ANTXR1: variants seen among roughly 807,000 people sequenced by gnomAD.
ANTXR1 encodes the protein anthrax toxin receptor 1.
A neutral mutation model predicts 78.1 loss-of-function variants in ANTXR1; 19 were observed. That is an observed-to-expected ratio of 0.24 (90% CI 0.17 to 0.36). The LOEUF is 0.36. ANTXR1 is among the 10% of genes least tolerant of loss of function. ANTXR1 has a pLI of 1.00. For synonymous variants in ANTXR1, 273 were observed against 260.5 expected (o/e 1.05, Z -0.46); for missense variants, 518 against 718.6 (o/e 0.72, Z 3.19).
rs567447364 is a variant in ANTXR1, at chr2:69,238,357, A to G, written c.1435-6868A>G. Among the ~76,000 whole-genome samples the G allele has an allele frequency of 3.3e-5, 5 of 152,268 alleles. No individual in the cohort carries two copies. In the South Asian group the frequency reaches 8.3e-4, roughly 25 times the overall value. On this transcript the variant is annotated intron_variant, in intron 17 of 17. Transcript: ENST00000303714. The stretch of plus-strand genomic sequence containing the variant: ...ACAGGGACCTCAACATTTGCTCAAT[A>G]CTGTCTGCAGCACCTTTGAGGACAT...
intron 9 of ANTXR1, 48 bp from the exon 10 acceptor site, chr2:69,102,794 T>A: frequency 6.5e-7 from 1 of 1,550,024 alleles, no homozygotes; most frequent in Non-Finnish European, 8.9e-7. Context: ...ATGCGAAGCT[T>A]AAGGTTATTG....
chr2:69,047,426 G>A (rs183488873), intron 3 of ANTXR1, among the ~76,000 whole-genome samples: 102 of 151,950 alleles, frequency 6.7e-4, no homozygotes, highest in Non-Finnish European at 9.0e-4. Context: ...ATTTTCTAAT[G>A]GGAAGGAACT....
chr2:69,190,988 C>G (rs541467759), intron 16 of ANTXR1, among the ~76,000 whole-genome samples: 1 of 152,126 alleles, frequency 6.6e-6, no homozygotes, highest in Non-Finnish European at 1.5e-5. Flanking sequence ...GGAGTCCTCT[C>G]CTTCTGAAAA....
rs772114562 is a variant in ANTXR1 at position 69,182,604 on chromosome 2, C to A, written c.1297C>A (p.Leu433Ile). The A allele has an allele frequency of 1.2e-6, 2 of 1,614,194 alleles. No homozygotes were observed. The highest frequency in any genetic ancestry group is 2.2e-5 in the South Asian group (2 of 91,080). ...QEYEFPEPRN[L>I]NNNMRRPSSP... is the part of the protein sequence containing the mutation. ...ATATGAATTCCCTGAGCCGCGAAAT[C>A]TCAACAACAATATGCGTCGGCCTTC... The change falls in exon 16 of 18, where the codon CTC (leucine) becomes ATC (isoleucine). Residue 433 changes from leucine (L) to isoleucine (I), a missense_variant. Leu to Ile is a conservative substitution (Grantham distance 5). Around this residue, in one of 5 missense-constraint regions of ANTXR1, gnomAD observed 192 missense variants for 230.2 expected, o/e 0.83. Coordinates refer to ENST00000303714, the MANE Select transcript of ANTXR1 (RefSeq NM_032208.3).
intron 15 of ANTXR1, 95 bp downstream of exon 15, chr2:69,181,976 G>T (rs887228681): frequency 3.3e-6 from 4 of 1,224,870 alleles, no homozygotes; most frequent in Non-Finnish European, 4.8e-6. Flanking sequence ...TAGATATCAG[G>T]CATGCCCAGG....
At chr2:69,155,807 A>T (rs777700760) in intron 13 of ANTXR1, among the ~76,000 whole-genome samples, 2 of 152,138 alleles carry the variant, frequency 1.3e-5, no homozygotes, top group Non-Finnish European at 2.9e-5. Context: ...GGCTTTATGT[A>T]TACAGAGAAA....
chr2:69,081,244 C>A (rs2104248619), intron 8 of ANTXR1, among the ~76,000 whole-genome samples: 1 of 152,332 alleles, frequency 6.6e-6, no homozygotes, highest in Middle Eastern at 3.4e-3. Flanking sequence ...TTGAACTCAG[C>A]TCTGGTTCCA....
chr2:69,186,546 G>A (rs140646783), intron 16 of ANTXR1, among the ~76,000 whole-genome samples: 175 of 152,360 alleles, frequency 1.1e-3, no homozygotes, highest in Non-Finnish European at 2.0e-3. Flanking sequence ...TGGGCAAAGC[G>A]AAGGGAATCC....
At chr2:69,022,274 G>C (rs961957523) in intron 1 of ANTXR1, among the ~76,000 whole-genome samples, 4 of 152,164 alleles carry the variant, frequency 2.6e-5, no homozygotes, top group African/African-American at 9.7e-5. Context: ...TGAGGGTGCT[G>C]TTAGCATTTT....
At chr2:69,235,651 C>CAAAAAAAAAAAA (rs554310438) in intron 17 of ANTXR1, among the ~76,000 whole-genome samples, 1 of 58,226 alleles carries the variant, frequency 1.7e-5, no homozygotes, top group Non-Finnish European at 3.5e-5. Context: ...AACCCCGTCT[C>CAAAAAAAAAAAA]AAAAAAAAAA....
rs769619892 is a variant in ANTXR1 at position 69,013,556 on chromosome 2, C to A, written c.57C>A (p.Ala19=). The A allele has an allele frequency of 6.3e-6, 10 of 1,579,068 alleles. No homozygotes were observed. In the South Asian group the frequency reaches 1.2e-4, roughly 18 times the overall value. ...TCGGCTTCCAGTGGCTCTCTTTGGCCACTCTGGTGCTCATCTGCGCCGGGC... is the reference window on the plus strand; with the variant it reads ...TCGGCTTCCAGTGGCTCTCTTTGGCAACTCTGGTGCTCATCTGCGCCGGGC... ...LGIGFQWLSL[A]TLVLICAGQG... The change falls in exon 1 of 18, where the codon GCC becomes GCA. Residue 19 remains alanine (A), a synonymous_variant. Coordinates refer to ENST00000303714, the MANE Select transcript of ANTXR1 (RefSeq NM_032208.3). This position sits in a 1 kb window ranked among gnomAD's most constrained non-coding sequence, Gnocchi z 5.0.
At chr2:69,182,468 T>C (rs1373029694) in intron 15 of ANTXR1, 25 bp from the exon 16 acceptor site, 5 of 1,613,780 alleles carry the variant, frequency 3.1e-6, no homozygotes, top group Non-Finnish European at 4.2e-6. Context: ...TGTCATTTCA[T>C]TTCATTGTAT....
intron 1 of ANTXR1, among the ~76,000 whole-genome samples, chr2:69,023,725 G>A (rs1212035074): frequency 2.6e-5 from 4 of 152,166 alleles, no homozygotes; most frequent in African/African-American, 9.7e-5. Context: ...CAAGTCTCAA[G>A]GAGCTCAAAG....
intron 1 of ANTXR1, among the ~76,000 whole-genome samples, chr2:69,039,538 C>A (rs1441742113): frequency 6.6e-6 from 1 of 151,886 alleles, no homozygotes; most frequent in East Asian, 1.9e-4. Context: ...AATTATTATT[C>A]TTTTGGATTC....
At chr2:69,027,633 T>A (rs1200475286) in intron 1 of ANTXR1, among the ~76,000 whole-genome samples, 1 of 145,012 alleles carries the variant, frequency 6.9e-6, no homozygotes, top group African/African-American at 2.7e-5. Flanking sequence ...TGTGTGTGTG[T>A]GTGTGTATGT....
At chr2:69,192,827 T>C (rs980862997) in intron 16 of ANTXR1, among the ~76,000 whole-genome samples, 1 of 152,204 alleles carries the variant, frequency 6.6e-6, no homozygotes, top group South Asian at 2.1e-4. Context: ...GAGCAAGTTA[T>C]AGCTGCTGAG....
At chr2:69,170,907 GC>G (rs1673966053) in intron 14 of ANTXR1, among the ~76,000 whole-genome samples, 1 of 152,198 alleles carries the variant, frequency 6.6e-6, no homozygotes, top group South Asian at 2.1e-4. Flanking sequence ...TGCAAGGGTG[GC>G]CTGGAGTAGA....
At chr2:69,060,985 G>C (rs1392055255) in intron 3 of ANTXR1, among the ~76,000 whole-genome samples, 1 of 152,104 alleles carries the variant, frequency 6.6e-6, no homozygotes, top group Admixed American at 6.6e-5. Flanking sequence ...CCACATATAA[G>C]AATAGAAGGG....
chr2:69,072,915 A>T, intron 5 of ANTXR1, 107 bp from the exon 6 acceptor site: 1 of 1,111,852 alleles, frequency 9.0e-7, no homozygotes, highest in East Asian at 2.4e-5. Context: ...TTCTCACAAT[A>T]TTGACTTTGG....
Sources: allele counts gnomAD v4.1 joint callset (sites outside exome capture counted in the v4.1 genomes callset), GRCh38; gene constraint gnomAD v4.1.1; regional missense constraint gnomAD v4.1.1; non-coding constraint Gnocchi (gnomAD v3.1); transcripts MANE v1.5; gene names NCBI Gene and HGNC (gene_info 2026-07-23, HGNC 2026-07-21).